The following ZFHX3 variants were observed in gnomAD, a reference collection of about 807,000 sequenced individuals.
The protein encoded by ZFHX3 is zinc finger homeobox 3, also known as zinc finger homeobox protein 3.
ZFHX3 carries 42 observed loss-of-function variants against 279.1 expected under a neutral mutation model. The observed-to-expected ratio is 0.15, with a 90% CI of 0.12 to 0.19. The LOEUF (loss-of-function observed/expected upper bound fraction) is 0.19. Ranked by LOEUF, ZFHX3 falls within the 10% of genes least tolerant of loss-of-function variation. ZFHX3 has a pLI of 1.00. For missense variants in ZFHX3, 4,981 were observed against 4,754.0 expected (o/e 1.05, Z -1.40); for synonymous variants, 2,293 against 1,957.8 (o/e 1.17, Z -4.52).
At chr16:73,681,682 G>A (rs1227398211) in intron 1 of ZFHX3, among the ~76,000 whole-genome samples, 1 of 152,180 alleles carries the variant, frequency 6.6e-6, no homozygotes, top group East Asian at 1.9e-4. Flanking sequence ...ACAGGCACCT[G>A]ATCCTGTTCT....
intron 3 of ZFHX3, among the ~76,000 whole-genome samples, chr16:73,388,330 G>T (rs958056662): frequency 3.3e-5 from 5 of 152,198 alleles, no homozygotes; most frequent in Non-Finnish European, 7.3e-5. Context: ...AATTGACAAA[G>T]AAAGTGGTCA....
At chr16:72,870,733 A>AAG (rs1555525620) in intron 4 of ZFHX3, among the ~76,000 whole-genome samples, 1 of 151,392 alleles carries the variant, frequency 6.6e-6, no homozygotes, top group African/African-American at 2.4e-5. Flanking sequence ...AAAAAAAAAA[A>AAG]AAAGAAAGAA....
chr16:73,207,185 T>C (rs1413489503), intron 5 of ZFHX3, among the ~76,000 whole-genome samples: 1 of 152,184 alleles, frequency 6.6e-6, no homozygotes, highest in East Asian at 1.9e-4. Flanking sequence ...ATAAAGGCTG[T>C]CAAGAACATT....
chr16:73,140,712 G>C (rs2144832817), intron 6 of ZFHX3, among the ~76,000 whole-genome samples: 1 of 152,310 alleles, frequency 6.6e-6, no homozygotes, highest in Admixed American at 6.5e-5. Context: ...AAATTATCCA[G>C]ACGTGGTGGC....
chr16:73,369,840 TTC>T (rs141368995), intron 3 of ZFHX3, among the ~76,000 whole-genome samples: 100 of 142,190 alleles, frequency 7.0e-4, no homozygotes, highest in Admixed American at 9.2e-4. Context: ...GGATGGTCCT[TTC>T]TCTCTCTCTC....
intron 5 of ZFHX3, among the ~76,000 whole-genome samples, chr16:73,247,375 T>C (rs2013317727): frequency 6.6e-6 from 1 of 152,070 alleles, no homozygotes; most frequent in South Asian, 2.1e-4. Flanking sequence ...TGTGCCTGTA[T>C]GTGGAGTATA....
chr16:73,479,437 T>TA (rs1475369456), intron 2 of ZFHX3, among the ~76,000 whole-genome samples: 5 of 152,166 alleles, frequency 3.3e-5, no homozygotes. Flanking sequence ...TGGCTGGAGA[T>TA]ACCTTTCTCA....
intron 4 of ZFHX3, among the ~76,000 whole-genome samples, chr16:73,305,813 T>A (rs775436335): frequency 6.6e-6 from 1 of 152,126 alleles, no homozygotes; most frequent in Non-Finnish European, 1.5e-5. Context: ...GGTAGAATAT[T>A]TTATGTTATA....
At chr16:73,680,771 G>A (rs910490040) in intron 1 of ZFHX3, among the ~76,000 whole-genome samples, 1 of 152,128 alleles carries the variant, frequency 6.6e-6, no homozygotes, top group Non-Finnish European at 1.5e-5. Context: ...ATATAAAAAT[G>A]GTGAATCTTA....
At chr16:73,218,032 G>A (rs569555098) in intron 5 of ZFHX3, among the ~76,000 whole-genome samples, 191 of 152,288 alleles carry the variant, frequency 1.3e-3, no homozygotes, top group Non-Finnish European at 2.0e-3. Context: ...TATTCTGAGA[G>A]TAAAAGCTTT....
At chr16:72,910,171 A>G (rs2039283213) in intron 3 of ZFHX3, among the ~76,000 whole-genome samples, 1 of 152,188 alleles carries the variant, frequency 6.6e-6, no homozygotes, top group African/African-American at 2.4e-5. Flanking sequence ...TCAGAGCTTA[A>G]CAATACCTGT....
At chr16:73,317,136 G>T (rs1021261871) in intron 4 of ZFHX3, among the ~76,000 whole-genome samples, 2 of 151,998 alleles carry the variant, frequency 1.3e-5, no homozygotes, top group South Asian at 2.1e-4. Context: ...TTCTTAAGAG[G>T]GGGGTGGGTG....
chr16:73,201,192 A>AT (rs1480692941), intron 5 of ZFHX3, among the ~76,000 whole-genome samples: 2 of 152,154 alleles, frequency 1.3e-5, no homozygotes, highest in Non-Finnish European at 2.9e-5. Flanking sequence ...ACCATTGGCA[A>AT]TGGGGGGGCT....
At chr16:73,423,443 G>A (rs1347776548) in intron 3 of ZFHX3, among the ~76,000 whole-genome samples, 2 of 152,124 alleles carry the variant, frequency 1.3e-5, no homozygotes, top group Non-Finnish European at 2.9e-5. Flanking sequence ...CACCACACTG[G>A]GTGCTGGTGA....
At chr16:73,482,451 C>T (rs1265350458) in intron 2 of ZFHX3, among the ~76,000 whole-genome samples, 1 of 152,152 alleles carries the variant, frequency 6.6e-6, no homozygotes, top group Non-Finnish European at 1.5e-5. Context: ...CTGACCACCG[C>T]CTCACCCACT....
At chr16:73,326,996 G>A (rs955263756) in intron 3 of ZFHX3, among the ~76,000 whole-genome samples, 2 of 152,186 alleles carry the variant, frequency 1.3e-5, no homozygotes, top group African/African-American at 4.8e-5. Context: ...CTGGGGATAA[G>A]ATAACTCTCA....
chr16:73,708,629 C>G (rs1176612125), intron 1 of ZFHX3, among the ~76,000 whole-genome samples: 1 of 152,128 alleles, frequency 6.6e-6, no homozygotes, highest in Admixed American at 6.5e-5. Context: ...TTCCTCTACC[C>G]TCTGAGAATT....
intron 7 of ZFHX3, among the ~76,000 whole-genome samples, chr16:73,121,778 GC>G (rs1966503149): frequency 6.6e-6 from 1 of 151,802 alleles, no homozygotes. Context: ...ACCACACCCG[GC>G]TAATTTTTTG....
At chr16:73,891,028 C>A (rs923847225) in intron 1 of ZFHX3, among the ~76,000 whole-genome samples, 1 of 150,626 alleles carries the variant, frequency 6.6e-6, no homozygotes, top group East Asian at 2.0e-4. Flanking sequence ...CGCTCCCCCC[C>A]TCCACCTCAC....
Sources: allele counts gnomAD v4.1 joint callset (sites outside exome capture counted in the v4.1 genomes callset), GRCh38; gene constraint gnomAD v4.1.1; transcripts MANE v1.5; gene names NCBI Gene and HGNC (gene_info 2026-07-23, HGNC 2026-07-21).